The following EPHX2 variants were observed in gnomAD, a reference collection of about 807,000 sequenced individuals.
EPHX2 encodes epoxide hydrolase 2.
EPHX2 carries 74 observed loss-of-function variants against 78.7 expected under a neutral mutation model. The observed-to-expected ratio is 0.94, with a 90% confidence interval of 0.78 to 1.14. The LOEUF (loss-of-function observed/expected upper bound fraction) is 1.14. EPHX2 is among the 50% of genes most tolerant of loss of function. The probability of loss-of-function intolerance (pLI) is 0.00; values close to 1 mark genes in which losing one functional copy is unlikely to be tolerated. For missense variants in EPHX2, 715 were observed against 702.5 expected, an observed-to-expected ratio of 1.02 and a Z score of -0.20; for synonymous variants, 251 against 255.2, an observed-to-expected ratio of 0.98 and a Z score of 0.16.
chr8:27,530,365 C>T (rs1358555090), intron 12 of EPHX2, among the ~76,000 whole-genome samples: 1 of 152,126 alleles, frequency 6.6e-6, no homozygotes, highest in African/African-American at 2.4e-5. Context: ...GCTGAATCGC[C>T]CTTTGCCCAT....
intron 1 of EPHX2, among the ~76,000 whole-genome samples, chr8:27,498,186 A>G (rs998667209): frequency 6.6e-6 from 1 of 152,176 alleles, no homozygotes; most frequent in African/African-American, 2.4e-5. Flanking sequence ...GGAGAAGGGG[A>G]TATATACCCA....
At chr8:27,520,809 A>C in intron 9 of EPHX2, 74 bp from the exon 10 acceptor site, 1 of 1,585,346 alleles carries the variant, frequency 6.3e-7, no homozygotes. Flanking sequence ...GGGAGGACGC[A>C]GTTCAGCCCA....
At chr8:27,503,483 G>T (rs1813874322) in intron 2 of EPHX2, 121 bp from the exon 3 acceptor site, 1 of 1,110,432 alleles carries the variant, frequency 9.0e-7, no homozygotes, top group African/African-American at 1.6e-5. Flanking sequence ...CATTTCCAGT[G>T]GGTATGTGTC....
rs748840273 is a variant in EPHX2, at chr8:27,491,189, T to C, written c.-20T>C. The C allele has an allele frequency of 1.9e-6, 3 of 1,563,934 alleles. No homozygotes were observed. The highest frequency in any genetic ancestry group is 2.7e-5 in the African/African-American group (2 of 73,016). ...CCAGGTTAGCTGCGTGTCCGGGTGCTAGGCTGCAGACCCGCCGCCATGACG... is the reference window on the plus strand; with the variant it reads ...CCAGGTTAGCTGCGTGTCCGGGTGCCAGGCTGCAGACCCGCCGCCATGACG... On this transcript the variant is annotated 5_prime_UTR_variant, in exon 1 of 19. Transcript: ENST00000521400.
intron 1 of EPHX2, among the ~76,000 whole-genome samples, chr8:27,500,572 G>T (rs2132713999): frequency 6.6e-6 from 1 of 152,270 alleles, no homozygotes; most frequent in South Asian, 2.1e-4. Context: ...TCATGAAAAA[G>T]TTCTTTGAGA....
intron 8 of EPHX2, 70 bp from the exon 9 acceptor site, chr8:27,517,967 AG>A: frequency 3.2e-6 from 4 of 1,259,500 alleles, no homozygotes; most frequent in East Asian, 2.4e-5. Flanking sequence ...CTTTGCAAAA[AG>A]GTCCTTTTGA....
At chr8:27,525,551 A>G (rs1585210802) in intron 12 of EPHX2, 78 bp downstream of exon 12, 2 of 1,224,112 alleles carry the variant, frequency 1.6e-6, no homozygotes, top group Non-Finnish European at 2.4e-6. Context: ...TATTTGCTTT[A>G]TCACTGTCCC....
intron 2 of EPHX2, among the ~76,000 whole-genome samples, chr8:27,501,325 T>TTCTTCTTCTTCTTCTTCC (rs1813764053): frequency 1.5e-4 from 2 of 13,688 alleles, no homozygotes; most frequent in African/African-American, 3.2e-4. Context: ...GCTATATATT[T>TTCTTCTTCTTCTTCTTCC]TCTTCTTCTT....
rs1172031919 is a variant in EPHX2, at chr8:27,545,460, CG to C, written c.*941del. The C allele has an allele frequency of 6.6e-6, 1 of 152,366 alleles. No individual in the cohort carries two copies. Among genetic ancestry groups the C allele is most frequent in the African/African-American group, 2.4e-5 (1 of 41,410 alleles). The allele number at this position is 152,366 out of a possible 1,614,324, so 9.4% of individuals were successfully genotyped here. On this transcript the variant is annotated 3_prime_UTR_variant, in exon 19 of 19. Coordinates refer to ENST00000521400, the MANE Select transcript of EPHX2 (RefSeq NM_001979.6). ...GAGTCCTGGAGCAGCAGCCTCCTCACGGGTCTTGCCGCCCACATGGTTGGAT... is the reference window on the plus strand; with the variant it reads ...GAGTCCTGGAGCAGCAGCCTCCTCACGGTCTTGCCGCCCACATGGTTGGAT...
At chr8:27,526,721 C>T (rs1247125227) in intron 12 of EPHX2, among the ~76,000 whole-genome samples, 6 of 151,950 alleles carry the variant, frequency 3.9e-5, no homozygotes, top group Non-Finnish European at 8.8e-5. Context: ...GTCCTCTTCT[C>T]CTTGTTTCCT....
chr8:27,546,445 C>G (rs940560692), downstream of EPHX2, among the ~76,000 whole-genome samples: 6 of 152,158 alleles, frequency 3.9e-5, no homozygotes, highest in South Asian at 4.1e-4. Context: ...CATGCCACCA[C>G]CATCTCAATC....
chr8:27,503,477 T>G, intron 2 of EPHX2, 127 bp from the exon 3 acceptor site: 1 of 1,095,372 alleles, frequency 9.1e-7, no homozygotes. Flanking sequence ...TGTTGGCATT[T>G]CCAGTGGGTA....
intron 1 of EPHX2, among the ~76,000 whole-genome samples, chr8:27,492,439 T>C (rs1203742779): frequency 6.6e-6 from 1 of 152,052 alleles, no homozygotes; most frequent in African/African-American, 2.4e-5. Flanking sequence ...AGCCCAGGAG[T>C]TGGAGGCTAT....
rs1433402273 is a variant in EPHX2, at chr8:27,503,777, A to G, written c.346+14A>G. On this transcript the variant is annotated intron_variant, in intron 3 of 18. Coordinates refer to ENST00000521400, the MANE Select transcript of EPHX2 (RefSeq NM_001979.6). ...TCAGGAAGAAAGGTAAGGATCTGATACTGGCCAATCTCAGGCCGAACCACC... is the reference window on the plus strand; with the variant it reads ...TCAGGAAGAAAGGTAAGGATCTGATGCTGGCCAATCTCAGGCCGAACCACC... 1 of 1,606,892 alleles carries G rather than the reference A, an allele frequency of 6.2e-7. No individual in the cohort carries two copies. The highest frequency in any genetic ancestry group is 1.1e-5 in the South Asian group (1 of 90,998).
chr8:27,491,818 G>T (rs1323525750), intron 1 of EPHX2, among the ~76,000 whole-genome samples: 1 of 152,118 alleles, frequency 6.6e-6, no homozygotes, highest in Non-Finnish European at 1.5e-5. Context: ...AGAATCTGAA[G>T]CTATTTATAC....
intron 6 of EPHX2, among the ~76,000 whole-genome samples, chr8:27,513,717 G>C (rs1162257123): frequency 6.6e-6 from 1 of 152,176 alleles, no homozygotes; most frequent in Non-Finnish European, 1.5e-5. Context: ...GGGCTACTCA[G>C]CTGAGTCAAT....
intron 2 of EPHX2, among the ~76,000 whole-genome samples, chr8:27,502,205 C>T (rs896810572): frequency 3.3e-5 from 5 of 152,194 alleles, no homozygotes; most frequent in South Asian, 4.1e-4. Context: ...AGCTCTTTTG[C>T]GTCTGGCATC....
intron 14 of EPHX2, among the ~76,000 whole-genome samples, chr8:27,539,937 G>T (rs996266108): frequency 6.6e-6 from 1 of 152,186 alleles, no homozygotes; most frequent in Admixed American, 6.5e-5. Flanking sequence ...CATTGAGGCT[G>T]TGCCCTGTGA....
intron 11 of EPHX2, 82 bp downstream of exon 11, chr8:27,522,590 C>A: frequency 7.1e-7 from 1 of 1,412,462 alleles, no homozygotes; most frequent in Non-Finnish European, 9.9e-7. Flanking sequence ...TCTTTAAGCC[C>A]AGAAAACTTC....
Sources: allele counts gnomAD v4.1 joint callset (sites outside exome capture counted in the v4.1 genomes callset), GRCh38; gene constraint gnomAD v4.1.1; transcripts MANE v1.5; gene names NCBI Gene and HGNC (gene_info 2026-07-23, HGNC 2026-07-21).